ASH1L: variants seen among roughly 807,000 people sequenced by gnomAD.
ASH1L encodes the protein ASH1 like histone lysine methyltransferase, also known as histone-lysine N-methyltransferase ASH1L.
Under a neutral mutation model 269.0 loss-of-function variants are expected in ASH1L, and 23 were observed. The observed-to-expected ratio is 0.09, with a 90% CI of 0.06 to 0.12. The LOEUF (loss-of-function observed/expected upper bound fraction) is 0.12, where lower values mean the gene tolerates loss of function less well. ASH1L is among the 10% of genes least tolerant of loss of function. The probability of loss-of-function intolerance (pLI) is 1.00; values close to 1 mark genes in which losing one functional copy is unlikely to be tolerated. For missense variants in ASH1L, 2,912 were observed against 3,567.8 expected, an observed-to-expected ratio of 0.82 and a Z score of 4.68; for synonymous variants, 1,187 against 1,253.5, an observed-to-expected ratio of 0.95 and a Z score of 1.12.
At chr1:155,434,272 C>G in intron 5 of ASH1L, 4 of 1,596,984 alleles carry the variant, frequency 2.5e-6, no homozygotes, top group Non-Finnish European at 3.4e-6. Context: ...AGGTGCCTGC[C>G]CTTCTAGGAA....
intron 5 of ASH1L, among the ~76,000 whole-genome samples, chr1:155,427,278 G>A (rs897271991): frequency 6.6e-6 from 1 of 151,528 alleles, no homozygotes; most frequent in African/African-American, 2.4e-5. Context: ...GGGATTACAG[G>A]CATGCAGCAC....
intron 17 of ASH1L, among the ~76,000 whole-genome samples, chr1:155,351,721 G>A (rs2148351188): frequency 6.6e-6 from 1 of 151,478 alleles, no homozygotes; most frequent in East Asian, 1.9e-4. Context: ...GTGGTGGTGT[G>A]CGCCTGTAGT....
At chr1:155,428,421 G>A (rs1235943761) in intron 5 of ASH1L, among the ~76,000 whole-genome samples, 4 of 144,690 alleles carry the variant, frequency 2.8e-5, no homozygotes, top group African/African-American at 5.0e-5. Flanking sequence ...TAGCTTAGGC[G>A]ACAACAATGA....
At chr1:155,357,192 C>T (rs955054555) in intron 15 of ASH1L, 124 bp downstream of exon 15, 8 of 625,168 alleles carry the variant, frequency 1.3e-5, no homozygotes, top group Non-Finnish European at 2.2e-5. Context: ...TTCATAGATC[C>T]CCTGAACCCT....
intron 2 of ASH1L, among the ~76,000 whole-genome samples, chr1:155,511,813 CT>C (rs1558180437): frequency 1.3e-5 from 2 of 150,160 alleles, no homozygotes; most frequent in African/African-American, 4.9e-5. Flanking sequence ...AAGATTGTTT[CT>C]TTCTTTTCTT....
chr1:155,444,712 G>A (rs547555791), intron 4 of ASH1L, among the ~76,000 whole-genome samples: 276 of 151,682 alleles, frequency 1.8e-3, no homozygotes, highest in Non-Finnish European at 2.9e-3. Flanking sequence ...ACCTCCCGGG[G>A]TTCACGGGAT....
At chr1:155,501,513 G>A (rs985442206) in intron 2 of ASH1L, among the ~76,000 whole-genome samples, 1 of 152,142 alleles carries the variant, frequency 6.6e-6, no homozygotes, top group Non-Finnish European at 1.5e-5. Flanking sequence ...TGGGACTACA[G>A]GTGGGTGTCA....
chr1:155,466,349 G>A (rs545028218), intron 3 of ASH1L, among the ~76,000 whole-genome samples: 14 of 151,670 alleles, frequency 9.2e-5, no homozygotes, highest in African/African-American at 1.2e-4. Flanking sequence ...GTGAGACCCC[G>A]TCTCAAAAAA....
intron 6 of ASH1L, among the ~76,000 whole-genome samples, chr1:155,415,243 C>T (rs111652370): frequency 0.032 from 4,913 of 151,674 alleles, 108 homozygotes; most frequent in South Asian, 0.053. Context: ...ATTAGCTGGG[C>T]GTGGTGGCGG....
chr1:155,361,420 G>C (rs1006789832), intron 12 of ASH1L, among the ~76,000 whole-genome samples: 1 of 148,452 alleles, frequency 6.7e-6, no homozygotes, highest in African/African-American at 2.5e-5. Context: ...AGGAGGTTGA[G>C]GCAGGAGAAT....
intron 2 of ASH1L, among the ~76,000 whole-genome samples, chr1:155,486,303 C>T (rs1170434846): frequency 1.3e-5 from 2 of 152,156 alleles, no homozygotes; most frequent in Non-Finnish European, 2.9e-5. Context: ...CAAGGGCAAA[C>T]TGGCTTTGAC....
At chr1:155,550,509 T>C (rs573716355) in intron 1 of ASH1L, among the ~76,000 whole-genome samples, 80 of 152,306 alleles carry the variant, frequency 5.3e-4, no homozygotes, top group Non-Finnish European at 7.8e-4. Context: ...CCCCCTTTAC[T>C]GTTTTAGCCC....
At chr1:155,484,319 T>C (rs1462696633) in intron 2 of ASH1L, among the ~76,000 whole-genome samples, 2 of 151,432 alleles carry the variant, frequency 1.3e-5, no homozygotes, top group African/African-American at 4.9e-5. Context: ...TGAAACCCCA[T>C]CTCTACTAAA....
chr1:155,457,981 T>C (rs1663992180), intron 4 of ASH1L, among the ~76,000 whole-genome samples: 1 of 152,180 alleles, frequency 6.6e-6, no homozygotes, highest in South Asian at 2.1e-4. Context: ...TTATACTTCA[T>C]CTTTTCTCCC....
intron 1 of ASH1L, among the ~76,000 whole-genome samples, chr1:155,524,475 T>C (rs1035559452): frequency 1.2e-4 from 18 of 150,346 alleles, no homozygotes; most frequent in African/African-American, 4.2e-4. Flanking sequence ...TGAGCCGAGA[T>C]TGTGCCACTG....
intron 5 of ASH1L, among the ~76,000 whole-genome samples, chr1:155,435,391 T>C (rs1662007335): frequency 6.6e-6 from 1 of 152,172 alleles, no homozygotes; most frequent in Non-Finnish European, 1.5e-5. Context: ...ATAAGGTAAT[T>C]CTGTATGTTC....
intron 6 of ASH1L, among the ~76,000 whole-genome samples, chr1:155,399,755 AT>A (rs1658672942): frequency 2.6e-5 from 4 of 152,308 alleles, no homozygotes; most frequent in Middle Eastern, 3.4e-3. Context: ...TTAGGAAAGA[AT>A]TAAGAAAACT....
intron 2 of ASH1L, among the ~76,000 whole-genome samples, chr1:155,504,913 C>T (rs1322160269): frequency 6.6e-6 from 1 of 150,970 alleles, no homozygotes; most frequent in African/African-American, 2.4e-5. Flanking sequence ...CCCTACTTAC[C>T]AAAGCAAACC....
Position 155,480,521 on chromosome 1 carries a change from G to A in ASH1L, c.2349C>T (p.Ser783=). 6.2e-7 allele frequency: 1 copy of A among 1,614,124 alleles called. No individual in the cohort carries two copies. The highest frequency in any genetic ancestry group is 8.5e-7 in the Non-Finnish European group (1 of 1,179,978). ...GAGCAAGAGATGGAGCTGTGGATTT[G>A]CTCAACTTTGGCAATCGGCGTTTAA... is the stretch of plus-strand genomic sequence containing the variant. ...DFLKRRLPKL[S]KSTAPSLALL... Residue 783 remains serine, a synonymous_variant, in exon 3 of 28, where the codon AGC becomes AGT. Transcript: ENST00000392403.
Sources: allele counts gnomAD v4.1 joint callset (sites outside exome capture counted in the v4.1 genomes callset), GRCh38; gene constraint gnomAD v4.1.1; transcripts MANE v1.5; gene names NCBI Gene and HGNC (gene_info 2026-07-23, HGNC 2026-07-21).